Variants in WDR19 observed in about 807,000 individuals in gnomAD.
WDR19 encodes the protein WD repeat-containing protein 19.
In WDR19, 121 loss-of-function variants were observed where a neutral mutation model predicts 180.0. The observed-to-expected ratio is 0.67, with a 90% CI of 0.58 to 0.78. The LOEUF (loss-of-function observed/expected upper bound fraction) is 0.78. Ranked by LOEUF, WDR19 falls within the 30% of genes least tolerant of loss-of-function variation. The pLI, the probability that WDR19 is intolerant of heterozygous loss-of-function variation, is 0.00. For synonymous variants in WDR19, 497 were observed against 540.7 expected (o/e 0.92, Z 1.12); for missense variants, 1,450 against 1,640.7 (o/e 0.88, Z 2.01).
At position 39,232,697 on chromosome 4, in the gene WDR19, G is replaced by A. The variant is rs112836431; in HGVS notation, c.2253+425G>A. 3.6e-3 allele frequency among the ~76,000 whole-genome samples: 537 copies of A among 147,528 alleles called. 6 individuals are homozygous for A. The highest frequency in any genetic ancestry group is 0.013 in the African/African-American group (507 of 39,932). ...AGCCTGGGTGACAGAGCGAGACTCCGTCTCAAAAAAAAAAAAAAGGAAAGA... is the reference window on the plus strand; with the variant it reads ...AGCCTGGGTGACAGAGCGAGACTCCATCTCAAAAAAAAAAAAAAGGAAAGA... On this transcript the variant is annotated intron_variant, in intron 19 of 36. Transcript: ENST00000399820.
intron 24 of WDR19, among the ~76,000 whole-genome samples, chr4:39,246,041 A>C (rs1732483435): frequency 6.6e-6 from 1 of 152,240 alleles, no homozygotes; most frequent in South Asian, 2.1e-4. Flanking sequence ...AGACAAGAAC[A>C]CAAGCGCCAG....
At position 39,211,965 on chromosome 4, in the gene WDR19, GAGAGAGAGAGAGAGAGAGAGAT is replaced by G. The variant is rs1353332501; in HGVS notation, c.891-2632_891-2611del. ...AGAGAGAGAGAGAGAGAGAGAGAGA[GAGAGAGAGAGAGAGAGAGAGAT>G]AGATAGATGTAGATAGGCACAGATC... On this transcript the variant is annotated intron_variant, in intron 9 of 36. Coordinates refer to ENST00000399820, the MANE Select transcript of WDR19 (RefSeq NM_025132.4). 8.0e-5 allele frequency among the ~76,000 whole-genome samples: 10 copies of G among 124,750 alleles called. 1 individual carries two copies. The highest frequency in any genetic ancestry group is 3.9e-4 in the African/African-American group (10 of 25,850). 81.8% of individuals were successfully genotyped at this position (124,750 alleles called of 152,430 possible). A position where few individuals can be genotyped will look rare whatever the true frequency, so the allele number is the denominator to read the frequency against.
chr4:39,213,429 T>C (rs766738053), intron 9 of WDR19, among the ~76,000 whole-genome samples: 13 of 152,328 alleles, frequency 8.5e-5, no homozygotes, highest in Middle Eastern at 3.4e-3. Context: ...ACAACTTGAA[T>C]GAATTTCCAA....
intron 19 of WDR19, among the ~76,000 whole-genome samples, chr4:39,233,518 C>T (rs1402162480): frequency 6.6e-6 from 1 of 152,144 alleles, no homozygotes; most frequent in African/African-American, 2.4e-5. Context: ...ATAGTAAAGA[C>T]ACATAATTAG....
At position 39,214,657 on chromosome 4, in the gene WDR19, A is replaced by T; in HGVS notation, c.947A>T (p.Asp316Val). ...LKDMYVILNL[D>V]EENKGLGTLS... ...GACATGTATGTTATACTCAACCTGG[A>T]TGAGGAAAATAAAGGTATTGATTTT... The change falls in exon 10 of 37, where the codon GAT becomes GTT. Residue 316 changes from aspartate (D) to valine (V), a missense_variant. Asp to Val is a radical substitution (Grantham distance 152, BLOSUM62 -3). Transcript: ENST00000399820. 6.3e-7 allele frequency: 1 copy of T among 1,583,422 alleles called. No homozygotes were observed. The highest frequency in any genetic ancestry group is 8.6e-7 in the Non-Finnish European group (1 of 1,158,362).
At chr4:39,280,149 G>A (rs1736356478) in intron 36 of WDR19, among the ~76,000 whole-genome samples, 1 of 47,014 alleles carries the variant, frequency 2.1e-5, no homozygotes, top group Non-Finnish European at 6.3e-5. Flanking sequence ...TTTAATAGAG[G>A]CAGGGTCTCG....
In WDR19 at chr4:39,232,210, A is replaced by G. The variant is rs771489672; in HGVS notation, c.2191A>G (p.Asn731Asp). 1 of 1,613,812 alleles carries G rather than the reference A, an allele frequency of 6.2e-7. No individual in the cohort carries two copies. Among genetic ancestry groups the G allele is most frequent in the South Asian group, 1.1e-5 (1 of 91,072 alleles). The change falls in exon 19 of 37, where the codon AAC becomes GAC. Residue 731 changes from asparagine (N) to aspartate (D), a missense_variant. By Grantham distance (23) the Asn-to-Asp change is conservative. Coordinates refer to ENST00000399820, the MANE Select transcript of WDR19 (RefSeq NM_025132.4). The part of the protein sequence containing the change: ...LLAGHLAMFT[N>D]DYNLAQDLYL... ...GGCAGGACACCTTGCCATGTTTACC[A>G]ACGATTATAACCTGGCTCAGGACTT...
chr4:39,191,820 A>G (rs1726176692), intron 4 of WDR19, among the ~76,000 whole-genome samples: 2 of 152,170 alleles, frequency 1.3e-5, no homozygotes, highest in African/African-American at 4.8e-5. Context: ...TTTTAAGCCC[A>G]TGCCTTATAC....
intron 10 of WDR19, among the ~76,000 whole-genome samples, chr4:39,215,368 T>G (rs1342305253): frequency 6.6e-6 from 1 of 152,154 alleles, no homozygotes; most frequent in Non-Finnish European, 1.5e-5. Context: ...TCAGGCTTAC[T>G]GTACATTTTC....
chr4:39,235,911 T>C (rs1320980714), intron 20 of WDR19, among the ~76,000 whole-genome samples: 1 of 151,618 alleles, frequency 6.6e-6, no homozygotes, highest in African/African-American at 2.4e-5. Flanking sequence ...ATCAGAAAAA[T>C]GCAAATTAAA....
intron 24 of WDR19, among the ~76,000 whole-genome samples, chr4:39,250,204 A>T (rs555811167): frequency 1.6e-3 from 245 of 152,140 alleles, no homozygotes; most frequent in African/African-American, 5.7e-3. Context: ...GGTTCAACAT[A>T]CGAAAATCAA....
At chr4:39,284,200 T>TGTGTTTGA (rs1175606570) in intron 36 of WDR19, among the ~76,000 whole-genome samples, 2 of 152,146 alleles carry the variant, frequency 1.3e-5, no homozygotes, top group African/African-American at 4.8e-5. Context: ...CAGTAATATC[T>TGTGTTTGA]GTGTTTGACT....
Position 39,244,288 on chromosome 4 carries a change from C to T in WDR19, c.2462C>T (p.Ser821Phe). Residue 821 changes from serine to phenylalanine, a missense_variant, in exon 22 of 37, where the codon TCC (serine) becomes TTC (phenylalanine). Ser to Phe is a radical substitution (Grantham distance 155, BLOSUM62 -2). Coordinates refer to ENST00000399820, the MANE Select transcript of WDR19 (RefSeq NM_025132.4). The part of the protein sequence containing the change: ...EACLAGVAQM[S>F]IRMGDIRRGV... ...TGTCTGGCTGGAGTGGCCCAGATGT[C>T]CATAAGAATGGGAGACATACGTCGA... 1 of 1,613,772 alleles carries T rather than the reference C, an allele frequency of 6.2e-7. No individual in the cohort carries two copies.
chr4:39,218,350 T>C (rs1729297830), intron 14 of WDR19: 2 of 534,920 alleles, frequency 3.7e-6, no homozygotes, highest in South Asian at 4.9e-5. Flanking sequence ...GGAACCTAGA[T>C]GGTACAGCCC....
chr4:39,230,430 T>C (rs1730719008), intron 17 of WDR19, among the ~76,000 whole-genome samples: 1 of 150,264 alleles, frequency 6.7e-6, no homozygotes, highest in African/African-American at 2.5e-5. Context: ...GGATGCAGTA[T>C]ACACAGTGGT....
At chr4:39,215,601 G>C (rs145973819) in intron 10 of WDR19, among the ~76,000 whole-genome samples, 24 of 152,154 alleles carry the variant, frequency 1.6e-4, no homozygotes, top group African/African-American at 5.5e-4. Flanking sequence ...TCAGAACATA[G>C]CCCTGTTGTT....
intron 14 of WDR19, among the ~76,000 whole-genome samples, chr4:39,224,379 T>G (rs543872861): frequency 6.6e-6 from 1 of 152,124 alleles, no homozygotes; most frequent in Admixed American, 6.5e-5. Flanking sequence ...TTATTTTTAT[T>G]TTTTATTTTT....
At position 39,255,920 on chromosome 4, in the gene WDR19, A is replaced by G. The variant is rs2109446620; in HGVS notation, c.3074A>G (p.Gln1025Arg). Reference sequence around the variant, plus strand: ...TTTGAAGGAGAAAAGAGATATCTTCAGGCTGGAAAATTCTTCTTGCTGTGT... The same window carrying G: ...TTTGAAGGAGAAAAGAGATATCTTCGGGCTGGAAAATTCTTCTTGCTGTGT... ...LYFEGEKRYLQAGKFFLLCGQ... is the reference protein window; with the variant it reads ...LYFEGEKRYLRAGKFFLLCGQ... Residue 1025 changes from glutamine (Q) to arginine (R), a missense_variant, in exon 27 of 37, where the codon CAG (glutamine) becomes CGG (arginine). By Grantham distance (43) the Gln-to-Arg change is conservative. Coordinates refer to ENST00000399820, the MANE Select transcript of WDR19 (RefSeq NM_025132.4). 6.2e-7 allele frequency: 1 copy of G among 1,608,322 alleles called. No homozygotes were observed. Among genetic ancestry groups the G allele is most frequent in the Non-Finnish European group, 8.5e-7 (1 of 1,177,276 alleles).
At position 39,205,285 on chromosome 4, in the gene WDR19, G is replaced by A; in HGVS notation, c.716+19G>A. ...ATAATTGGTATGTCTGCTATAACTG[G>A]TATGTACAAAAAGCTCATTACAGAA... On this transcript the variant is annotated intron_variant, in intron 8 of 36. Coordinates refer to ENST00000399820, the MANE Select transcript of WDR19 (RefSeq NM_025132.4). 2 of 1,553,066 alleles carry A rather than the reference G, an allele frequency of 1.3e-6. No homozygotes were observed. Among genetic ancestry groups the A allele is most frequent in the Non-Finnish European group, 1.8e-6 (2 of 1,140,796 alleles).
Sources: gnomAD v4.1 joint callset for allele counts (sites outside exome capture counted in the v4.1 genomes callset) on GRCh38, gnomAD v4.1.1 for gene constraint, MANE v1.5 for transcripts, NCBI Gene and HGNC (gene_info 2026-07-23, HGNC 2026-07-21) for gene names.